Variants in KLHL1 observed in about 807,000 individuals in gnomAD.
KLHL1 encodes the protein kelch like family member 1, also known as kelch-like protein 1.
KLHL1 carries 47 observed loss-of-function variants against 77.7 expected under a neutral mutation model. That is an observed-to-expected ratio of 0.60 (90% CI 0.48 to 0.77). The LOEUF is 0.77. KLHL1 is among the 30% of genes least tolerant of loss of function. KLHL1 has a pLI of 0.00. For missense variants in KLHL1, 925 were observed against 910.8 expected (o/e 1.02, Z -0.20); for synonymous variants, 360 against 325.2 (o/e 1.11, Z -1.15).
At chr13:69,823,942 G>T (rs1295142511) in intron 6 of KLHL1, among the ~76,000 whole-genome samples, 1 of 151,820 alleles carries the variant, frequency 6.6e-6, no homozygotes, top group Non-Finnish European at 1.5e-5. Flanking sequence ...TTTGCTCTCA[G>T]TATTAAGTCA....
intron 4 of KLHL1, among the ~76,000 whole-genome samples, chr13:69,922,290 C>T (rs151301481): frequency 1.3e-3 from 195 of 151,816 alleles, no homozygotes; most frequent in Non-Finnish European, 2.0e-3. Flanking sequence ...TTTAAGGGTA[C>T]AGAGGAGGAA....
At chr13:70,080,535 T>A (rs1053251140) in intron 1 of KLHL1, among the ~76,000 whole-genome samples, 7 of 152,218 alleles carry the variant, frequency 4.6e-5, no homozygotes, top group Non-Finnish European at 7.3e-5. Flanking sequence ...TATTGGCCAG[T>A]TACAATCATG....
chr13:69,899,125 G>GA (rs889592445), intron 4 of KLHL1, among the ~76,000 whole-genome samples: 24 of 150,946 alleles, frequency 1.6e-4, no homozygotes, highest in African/African-American at 5.1e-4. Context: ...AATATATCCA[G>GA]AAAAAAAATG....
intron 4 of KLHL1, among the ~76,000 whole-genome samples, chr13:69,901,792 T>TC (rs1881872435): frequency 1.8e-4 from 1 of 5,522 alleles, no homozygotes; most frequent in Non-Finnish European, 1.1e-3. Flanking sequence ...TTTTTCTTTT[T>TC]TTCTTTTTTT....
chr13:69,996,656 C>A (rs1488639523), intron 1 of KLHL1, among the ~76,000 whole-genome samples: 1 of 152,014 alleles, frequency 6.6e-6, no homozygotes, highest in Non-Finnish European at 1.5e-5. Flanking sequence ...TCACAACTCT[C>A]CTTTTCCATA....
chr13:69,909,715 T>C (rs368081076), intron 4 of KLHL1, among the ~76,000 whole-genome samples: 1 of 152,090 alleles, frequency 6.6e-6, no homozygotes, highest in African/African-American at 2.4e-5. Flanking sequence ...GATATGGCTG[T>C]GTGAAGATAA....
intron 4 of KLHL1, among the ~76,000 whole-genome samples, chr13:69,889,248 C>A (rs1304555172): frequency 6.6e-6 from 1 of 151,986 alleles, no homozygotes; most frequent in East Asian, 1.9e-4. Context: ...ATTTGCCTTG[C>A]CTGAATTTTT....
At position 70,064,896 on chromosome 13, in the gene KLHL1, C is replaced by A. The variant is rs139069151; in HGVS notation, c.497+42307G>T. ...AATGTGTACATGTATGAAACTACCA[C>A]CCCATCTTACATTTTATTTCTATCA... On this transcript the variant is annotated intron_variant, in intron 1 of 10. Transcript: ENST00000377844. Among the ~76,000 whole-genome samples, 1,126 of 152,254 alleles carry A rather than the reference C, an allele frequency of 7.4e-3. 19 individuals carry two copies. The highest frequency in any genetic ancestry group is 0.023 in the African/African-American group (962 of 41,560).
chr13:69,869,363 G>A (rs1378602595), intron 5 of KLHL1, among the ~76,000 whole-genome samples: 2 of 151,958 alleles, frequency 1.3e-5, no homozygotes, highest in Admixed American at 6.6e-5. Flanking sequence ...TTTTCTTAAT[G>A]TTTAGAATAT....
At chr13:69,936,614 A>G (rs1305081757) in intron 4 of KLHL1, among the ~76,000 whole-genome samples, 1 of 149,314 alleles carries the variant, frequency 6.7e-6, no homozygotes, top group Admixed American at 6.7e-5. Context: ...AAAAAAAATG[A>G]AGATTGAACA....
At chr13:69,868,176 T>C (rs1352023473) in intron 5 of KLHL1, among the ~76,000 whole-genome samples, 1 of 151,886 alleles carries the variant, frequency 6.6e-6, no homozygotes, top group Non-Finnish European at 1.5e-5. Flanking sequence ...TAAATAGATA[T>C]CCAAAATACA....
chr13:69,886,513 T>C (rs1881226499), intron 4 of KLHL1, among the ~76,000 whole-genome samples: 1 of 151,502 alleles, frequency 6.6e-6, no homozygotes, highest in South Asian at 2.1e-4. Flanking sequence ...TAAAACTCTT[T>C]TGAAATTTTA....
In KLHL1 at chr13:69,993,989, T is replaced by G. The variant is rs144332338; in HGVS notation, c.498-18187A>C. On this transcript the variant is annotated intron_variant, in intron 1 of 10. Coordinates refer to ENST00000377844, the MANE Select transcript of KLHL1 (RefSeq NM_020866.3). Reference sequence around the variant, plus strand: ...AGATTTGGGTCATTAACTAGATGTTTAAAAAATGCTTTAGCAACAATGGAA... The same window carrying G: ...AGATTTGGGTCATTAACTAGATGTTGAAAAAATGCTTTAGCAACAATGGAA... 2.0e-5 allele frequency among the ~76,000 whole-genome samples: 3 copies of G among 152,024 alleles called. 1 individual carries two copies.
At chr13:70,096,869 G>A (rs1412088313) in intron 1 of KLHL1, among the ~76,000 whole-genome samples, 1 of 151,744 alleles carries the variant, frequency 6.6e-6, no homozygotes, top group African/African-American at 2.4e-5. Flanking sequence ...ATAGTAGCAA[G>A]AAAAAAGGAA....
intron 5 of KLHL1, among the ~76,000 whole-genome samples, chr13:69,839,520 T>C (rs995898257): frequency 1.3e-5 from 2 of 151,980 alleles, no homozygotes; most frequent in African/African-American, 2.4e-5. Context: ...ATTTAATTTA[T>C]TGAAAATAGA....
In KLHL1 at chr13:69,877,266, A is replaced by G. The variant is rs138524037; in HGVS notation, c.1227+5017T>C. Among the ~76,000 whole-genome samples, 7 of 152,306 alleles carry G rather than the reference A, an allele frequency of 4.6e-5. No individual in the cohort carries two copies. In the East Asian group the frequency reaches 1.4e-3, roughly 29 times the overall value. ...AATCTGATACTTATGGGTATTTTTA[A>G]AATTCATACATAGTAAATATTTAAG... On this transcript the variant is annotated intron_variant, in intron 5 of 10. Coordinates refer to ENST00000377844, the MANE Select transcript of KLHL1 (RefSeq NM_020866.3).
intron 4 of KLHL1, among the ~76,000 whole-genome samples, chr13:69,939,334 TACATAC>T (rs1883279074): frequency 1.3e-5 from 1 of 75,558 alleles, no homozygotes; most frequent in Non-Finnish European, 2.4e-5. Flanking sequence ...TATATACATA[TACATAC>T]ATATATATAT....
chr13:69,729,713 A>G (rs1304647833), intron 8 of KLHL1, among the ~76,000 whole-genome samples: 1 of 152,130 alleles, frequency 6.6e-6, no homozygotes, highest in Non-Finnish European at 1.5e-5. Context: ...ATTAAATCAC[A>G]CCCAGGGAGA....
chr13:69,893,705 C>G (rs1370847459), intron 4 of KLHL1, among the ~76,000 whole-genome samples: 5 of 152,044 alleles, frequency 3.3e-5, no homozygotes, highest in Admixed American at 3.3e-4. Flanking sequence ...TATTTTGTAC[C>G]TAAGATGCAG....
Sources: allele counts gnomAD v4.1 joint callset (sites outside exome capture counted in the v4.1 genomes callset), GRCh38; gene constraint gnomAD v4.1.1; transcripts MANE v1.5; gene names NCBI Gene and HGNC (gene_info 2026-07-23, HGNC 2026-07-21).